The following ZCWPW2 variants were observed in gnomAD, a reference collection of about 807,000 sequenced individuals.
The protein encoded by ZCWPW2 is zinc finger CW-type PWWP domain protein 2.
In ZCWPW2, 45 loss-of-function variants were observed where a neutral mutation model predicts 46.6. That is an observed-to-expected ratio of 0.96 (90% confidence interval 0.76 to 1.24). ZCWPW2 has a LOEUF of 1.24. ZCWPW2 is among the 50% of genes most tolerant of loss of function. ZCWPW2 has a pLI of 0.00. For synonymous variants in ZCWPW2, 152 were observed against 137.1 expected (o/e 1.11, Z -0.76); for missense variants, 429 against 403.9 (o/e 1.06, Z -0.53).
At chr3:28,353,420 G>A (rs1034828481) in intron 1 of ZCWPW2, among the ~76,000 whole-genome samples, 3 of 152,114 alleles carry the variant, frequency 2.0e-5, no homozygotes, top group Non-Finnish European at 4.4e-5. Context: ...AAGTGAGATG[G>A]AAATATGAAT....
chr3:28,357,871 C>A (rs1007240260), intron 1 of ZCWPW2, among the ~76,000 whole-genome samples: 3 of 149,234 alleles, frequency 2.0e-5, no homozygotes, highest in Non-Finnish European at 4.4e-5. Context: ...CTCTACAGAA[C>A]CCTGACAATA....
intron 6 of ZCWPW2, among the ~76,000 whole-genome samples, chr3:28,500,991 A>G (rs1575214154): frequency 1.3e-5 from 2 of 151,522 alleles, no homozygotes; most frequent in African/African-American, 4.8e-5. Context: ...AGTGTTCCCC[A>G]GACTTGAATC....
intron 5 of ZCWPW2, among the ~76,000 whole-genome samples, chr3:28,487,285 T>C (rs775157184): frequency 3.9e-5 from 6 of 152,142 alleles, no homozygotes; most frequent in Non-Finnish European, 7.4e-5. Context: ...TATTCTGTTA[T>C]ATTATTTTTT....
At chr3:28,432,335 G>C (rs76304417) in intron 3 of ZCWPW2, among the ~76,000 whole-genome samples, 1 of 152,138 alleles carries the variant, frequency 6.6e-6, no homozygotes, top group Non-Finnish European at 1.5e-5. Flanking sequence ...AGGTAGAGGG[G>C]TACAGGATTT....
chr3:28,496,050 A>T (rs1699982636), intron 6 of ZCWPW2, among the ~76,000 whole-genome samples: 1 of 152,076 alleles, frequency 6.6e-6, no homozygotes, highest in Non-Finnish European at 1.5e-5. Flanking sequence ...AAAGCCAAGG[A>T]ATGAGAAGGC....
intron 1 of ZCWPW2, among the ~76,000 whole-genome samples, chr3:28,368,287 T>C (rs1050279707): frequency 3.3e-5 from 5 of 152,156 alleles, no homozygotes; most frequent in Non-Finnish European, 7.4e-5. Context: ...CTGGTACCGA[T>C]TGTTCCTTCC....
chr3:28,401,051 C>T (rs560614109), intron 2 of ZCWPW2, among the ~76,000 whole-genome samples: 8 of 151,806 alleles, frequency 5.3e-5, no homozygotes, highest in East Asian at 1.9e-4. Context: ...TGGTGGCAGG[C>T]GCCTGTAGTC....
intron 4 of ZCWPW2, among the ~76,000 whole-genome samples, chr3:28,475,339 T>TAAAAAGTAAAA: frequency 6.6e-6 from 1 of 152,340 alleles, no homozygotes; most frequent in Non-Finnish European, 1.5e-5. Flanking sequence ...TAACACTTTT[T>TAAAAAGTAAAA]ACTACAGTAA....
chr3:28,512,467 G>A (rs553581727), intron 6 of ZCWPW2, among the ~76,000 whole-genome samples: 21 of 152,138 alleles, frequency 1.4e-4, no homozygotes, highest in South Asian at 4.2e-4. Flanking sequence ...TTACAGGTGC[G>A]AACCACCATG....
At chr3:28,519,003 A>G (rs1700652042) in intron 8 of ZCWPW2, among the ~76,000 whole-genome samples, 1 of 152,172 alleles carries the variant, frequency 6.6e-6, no homozygotes, top group African/African-American at 2.4e-5. Flanking sequence ...ACATTGTTAT[A>G]TTTTTAAATA....
chr3:28,498,030 A>T (rs1312979301), intron 6 of ZCWPW2, among the ~76,000 whole-genome samples: 1 of 152,092 alleles, frequency 6.6e-6, no homozygotes, highest in Non-Finnish European at 1.5e-5. Context: ...ACAACAGCTC[A>T]TTAAGTATCT....
At chr3:28,476,109 T>C (rs909369215) in intron 4 of ZCWPW2, among the ~76,000 whole-genome samples, 21 of 150,720 alleles carry the variant, frequency 1.4e-4, no homozygotes, top group African/African-American at 5.1e-4. Context: ...GTTGTAGAAA[T>C]ATATAATATT....
chr3:28,504,488 T>C (rs1432940808), intron 6 of ZCWPW2, among the ~76,000 whole-genome samples: 1 of 152,188 alleles, frequency 6.6e-6, no homozygotes, highest in Admixed American at 6.6e-5. Flanking sequence ...CTAGCTGATA[T>C]AGAGAAAAAT....
intron 1 of ZCWPW2, among the ~76,000 whole-genome samples, chr3:28,358,222 T>C (rs1262315593): frequency 6.6e-6 from 1 of 152,174 alleles, no homozygotes; most frequent in Non-Finnish European, 1.5e-5. Flanking sequence ...TTAAAAACTG[T>C]AAATGTTATC....
intron 4 of ZCWPW2, among the ~76,000 whole-genome samples, chr3:28,457,230 A>C (rs1364159432): frequency 6.6e-6 from 1 of 152,202 alleles, no homozygotes; most frequent in Admixed American, 6.5e-5. Context: ...TAGCTCACAG[A>C]ATATGTACTG....
intron 1 of ZCWPW2, among the ~76,000 whole-genome samples, chr3:28,359,082 A>G (rs926479626): frequency 6.6e-6 from 1 of 152,070 alleles, no homozygotes; most frequent in Non-Finnish European, 1.5e-5. Context: ...CTCAAAATTA[A>G]GTAATTGAGT....
At chr3:28,498,058 T>C (rs1174901950) in intron 6 of ZCWPW2, among the ~76,000 whole-genome samples, 1 of 152,020 alleles carries the variant, frequency 6.6e-6, no homozygotes, top group Non-Finnish European at 1.5e-5. Flanking sequence ...ATCATAATAC[T>C]TGTGCAGGCC....
chr3:28,455,538 T>C (rs1698390207), intron 4 of ZCWPW2, among the ~76,000 whole-genome samples: 1 of 152,226 alleles, frequency 6.6e-6, no homozygotes, highest in Admixed American at 6.5e-5. Flanking sequence ...CTTTTGACTT[T>C]TGTCATGAAA....
At chr3:28,374,670 T>A (rs1705445245) in intron 1 of ZCWPW2, among the ~76,000 whole-genome samples, 1 of 152,132 alleles carries the variant, frequency 6.6e-6, no homozygotes, top group South Asian at 2.1e-4. Flanking sequence ...CAACTGGTTT[T>A]TCTTGTATAG....
Sources: gnomAD v4.1 joint callset for allele counts (sites outside exome capture counted in the v4.1 genomes callset) on GRCh38, gnomAD v4.1.1 for gene constraint, MANE v1.5 for transcripts, NCBI Gene and HGNC (gene_info 2026-07-23, HGNC 2026-07-21) for gene names.